The following PGR variants were observed in gnomAD, a reference collection of about 807,000 sequenced individuals.
PGR encodes progesterone receptor.
PGR carries 25 observed loss-of-function variants against 76.1 expected under a neutral mutation model. That is an observed-to-expected ratio of 0.33 (90% confidence interval 0.24 to 0.46). PGR has a LOEUF of 0.46. Ranked by LOEUF, PGR falls within the 20% of genes least tolerant of loss-of-function variation. PGR has a pLI of 1.00. For missense variants in PGR, 1,172 were observed against 1,225.3 expected (o/e 0.96, Z 0.65); for synonymous variants, 579 against 535.0 (o/e 1.08, Z -1.14).
chr11:101,068,790 G>A (rs1264866965), intron 3 of PGR, among the ~76,000 whole-genome samples: 3 of 151,764 alleles, frequency 2.0e-5, no homozygotes, highest in Non-Finnish European at 2.9e-5. Context: ...TTTAATAAAT[G>A]GTGTTGGGGA....
chr11:101,092,476 G>C (rs1278286421), intron 2 of PGR, among the ~76,000 whole-genome samples: 1 of 152,082 alleles, frequency 6.6e-6, no homozygotes, highest in Admixed American at 6.6e-5. Flanking sequence ...AAAATACCTT[G>C]AACAGAAATA....
chr11:101,101,337 A>G (rs1861991311), intron 2 of PGR, among the ~76,000 whole-genome samples: 1 of 152,208 alleles, frequency 6.6e-6, no homozygotes, highest in Non-Finnish European at 1.5e-5. Context: ...ACCACTGGAG[A>G]TTACTAGGGC....
At position 101,044,583 on chromosome 11, in the gene PGR, T is replaced by A. The variant is rs558529693; in HGVS notation, c.2489-2481A>T. On this transcript the variant is annotated intron_variant, in intron 6 of 7. Coordinates refer to ENST00000325455, the MANE Select transcript of PGR (RefSeq NM_000926.4). Reference sequence around the variant, plus strand: ...CTCAGGAGACCTAGTTTTCAACCTATATCAACTTTTGACATGCCTTCCTAA... The same window carrying A: ...CTCAGGAGACCTAGTTTTCAACCTAAATCAACTTTTGACATGCCTTCCTAA... Among the ~76,000 whole-genome samples, 22 of 152,166 alleles carry A rather than the reference T, an allele frequency of 1.4e-4. No homozygotes were observed. In the South Asian group the frequency reaches 4.6e-3, roughly 32 times the overall value.
intron 2 of PGR, among the ~76,000 whole-genome samples, chr11:101,096,359 G>A (rs770163228): frequency 6.6e-6 from 1 of 152,194 alleles, no homozygotes; most frequent in Non-Finnish European, 1.5e-5. Context: ...CAAAGTAGAT[G>A]CATTATCATG....
rs764496617 is a variant in PGR, at chr11:101,127,751, C to T, written c.1320G>A (p.Thr440=). The T allele has an allele frequency of 6.4e-6, 10 of 1,554,018 alleles. No homozygotes were observed. Among genetic ancestry groups the T allele is most frequent in the Non-Finnish European group, 8.6e-6 (10 of 1,156,640 alleles). Residue 440 remains threonine (T), a synonymous_variant, in exon 1 of 8, where the codon ACG becomes ACA. Transcript: ENST00000325455. The part of the protein sequence containing the change: ...TPSRPGEAAV[T]AAPASASVSS... ...AGACTGAGGCACTGGCGGGTGCGGC[C>T]GTCACCGCCGCTTCCCCGGGTCTGG...
At chr11:101,111,815 G>C (rs1467398885) in intron 2 of PGR, among the ~76,000 whole-genome samples, 1 of 152,176 alleles carries the variant, frequency 6.6e-6, no homozygotes, top group Non-Finnish European at 1.5e-5. Flanking sequence ...GAAGTGATTG[G>C]ATTTTGGGTG....
intron 3 of PGR, among the ~76,000 whole-genome samples, chr11:101,076,019 G>GT (rs1861117418): frequency 6.6e-6 from 1 of 152,100 alleles, no homozygotes; most frequent in Non-Finnish European, 1.5e-5. Flanking sequence ...ACATGCACAC[G>GT]TATGTTTACT....
At chr11:101,077,824 G>C (rs1265892255) in intron 3 of PGR, among the ~76,000 whole-genome samples, 1 of 152,182 alleles carries the variant, frequency 6.6e-6, no homozygotes, top group Non-Finnish European at 1.5e-5. Flanking sequence ...CTGTCTCTGA[G>C]AGATGCTGAT....
intron 2 of PGR, among the ~76,000 whole-genome samples, chr11:101,107,162 G>T (rs1862190360): frequency 6.6e-6 from 1 of 152,138 alleles, no homozygotes; most frequent in South Asian, 2.1e-4. Context: ...GTATATCTAT[G>T]TAACAAAACT....
chr11:101,128,983 G>T lies in PGR; in HGVS notation c.88C>A (p.Arg30Ser). The change falls in exon 1 of 8, where the codon CGC becomes AGC. Residue 30 changes from arginine (R) to serine (S), a missense_variant. This residue lies in a region of PGR where 893 missense variants were observed against 785.9 expected (regional missense o/e 1.14). Coordinates refer to ENST00000325455, the MANE Select transcript of PGR (RefSeq NM_000926.4). The stretch of plus-strand genomic sequence containing the variant: ...CCCGGGAACGGACCTGCGGCTGGGC[G>T]ACACAGCAGTGGGGATCCGACCTCG... ...SPEVGSPLLC[R>S]PAAGPFPGSQ... 20 of 1,597,828 alleles carry T rather than the reference G, an allele frequency of 1.3e-5. No individual in the cohort carries two copies. Among genetic ancestry groups the T allele is most frequent in the Non-Finnish European group, 1.7e-5 (20 of 1,171,486 alleles).
chr11:101,103,097 A>G (rs1037027071), intron 2 of PGR, among the ~76,000 whole-genome samples: 3 of 151,356 alleles, frequency 2.0e-5, no homozygotes, highest in African/African-American at 7.3e-5. Context: ...CCTGATTCAC[A>G]GCAGGAGGTG....
chr11:101,043,316 T>C (rs1029927283), intron 6 of PGR, among the ~76,000 whole-genome samples: 1 of 152,194 alleles, frequency 6.6e-6, no homozygotes, highest in Non-Finnish European at 1.5e-5. Flanking sequence ...TCCTCATCTT[T>C]CAAGTTTTAC....
At chr11:101,102,872 T>A (rs1329559567) in intron 2 of PGR, among the ~76,000 whole-genome samples, 2 of 112,158 alleles carry the variant, frequency 1.8e-5, no homozygotes, top group Non-Finnish European at 3.6e-5. Flanking sequence ...GTGGGGGGGG[T>A]TGGGGGAAGC....
At chr11:101,065,261 C>T (rs1190957928) in intron 3 of PGR, among the ~76,000 whole-genome samples, 2 of 146,022 alleles carry the variant, frequency 1.4e-5, no homozygotes, top group African/African-American at 2.6e-5. Context: ...TAGATATTTG[C>T]TAAGTTATTA....
At position 101,034,938 on chromosome 11, in the gene PGR, GA is replaced by G; in HGVS notation, c.*4177del. The G allele has an allele frequency of 1.1e-5, 2 of 187,798 alleles. No individual in the cohort carries two copies. Among genetic ancestry groups the G allele is most frequent in the East Asian group, 8.5e-5 (1 of 11,714 alleles). 11.6% of individuals were successfully genotyped at this position (187,798 alleles called of 1,614,324 possible). ...GTTGTTTTCACTCAGCCATGAATAA[GA>G]AAAAAAGAAACCACAAAACCTAGGT... On this transcript the variant is annotated 3_prime_UTR_variant, in exon 8 of 8. Coordinates refer to ENST00000325455, the MANE Select transcript of PGR (RefSeq NM_000926.4).
intron 3 of PGR, among the ~76,000 whole-genome samples, chr11:101,085,524 C>CAAAAAA (rs1861463966): frequency 7.0e-5 from 1 of 14,308 alleles, no homozygotes; most frequent in African/African-American, 2.8e-4. Context: ...CCTAGAGGAA[C>CAAAAAA]TAAAAAAAAA....
intron 6 of PGR, among the ~76,000 whole-genome samples, chr11:101,049,727 A>G (rs1274907707): frequency 6.6e-6 from 1 of 152,166 alleles, no homozygotes; most frequent in Non-Finnish European, 1.5e-5. Flanking sequence ...TGATGAGGCT[A>G]TTTTAGTATT....
intron 3 of PGR, among the ~76,000 whole-genome samples, chr11:101,068,404 G>T (rs1455131494): frequency 6.6e-6 from 1 of 152,118 alleles, no homozygotes; most frequent in East Asian, 1.9e-4. Context: ...CATATTCATA[G>T]ATAGGAAGAA....
intron 6 of PGR, among the ~76,000 whole-genome samples, chr11:101,046,113 T>A (rs1179746313): frequency 4.8e-5 from 7 of 146,890 alleles, no homozygotes; most frequent in East Asian, 2.0e-4. Flanking sequence ...ATTTATTTAT[T>A]TTTATTTATT....
Sources: gnomAD v4.1 joint callset for allele counts (sites outside exome capture counted in the v4.1 genomes callset) on GRCh38, gnomAD v4.1.1 for gene constraint, gnomAD v4.1.1 regional missense constraint, MANE v1.5 for transcripts, NCBI Gene and HGNC (gene_info 2026-07-23, HGNC 2026-07-21) for gene names.